SLC26A5: variants seen among roughly 807,000 people sequenced by gnomAD.
SLC26A5 encodes solute carrier family 26 member 5, also known as prestin.
SLC26A5 carries 51 observed loss-of-function variants against 81.0 expected under a neutral mutation model. The observed-to-expected ratio is 0.63, with a 90% CI of 0.50 to 0.80. The LOEUF (loss-of-function observed/expected upper bound fraction) is 0.80, where lower values mean the gene tolerates loss of function less well. Among genes scored for constraint, SLC26A5 ranks in the 30% least tolerant of loss-of-function variants. The pLI, the probability that SLC26A5 is intolerant of heterozygous loss-of-function variation, is 0.00. For missense variants in SLC26A5, 771 were observed against 905.8 expected (o/e 0.85, Z 1.91); for synonymous variants, 325 against 332.8 (o/e 0.98, Z 0.25).
intron 14 of SLC26A5, among the ~76,000 whole-genome samples, chr7:103,383,760 G>A (rs531916254): frequency 2.6e-5 from 4 of 152,178 alleles, no homozygotes; most frequent in Admixed American, 2.0e-4. Context: ...CTGTAGCCTT[G>A]AACTCCTAGG....
downstream of SLC26A5, among the ~76,000 whole-genome samples, chr7:103,371,256 A>C (rs956650385): frequency 6.6e-6 from 1 of 152,230 alleles, no homozygotes; most frequent in African/African-American, 2.4e-5. Context: ...ATTCTATTCA[A>C]AACAGTTTAA....
intron 2 of SLC26A5, among the ~76,000 whole-genome samples, chr7:103,426,690 C>A (rs904944360): frequency 1.3e-5 from 2 of 152,130 alleles, no homozygotes; most frequent in African/African-American, 4.8e-5. Flanking sequence ...AAAGGCTGTC[C>A]TTTCGGGGGA....
chr7:103,379,095 AT>A, intron 16 of SLC26A5, 147 bp downstream of exon 16: 1 of 651,190 alleles, frequency 1.5e-6, no homozygotes, highest in East Asian at 2.8e-5. Flanking sequence ...AAAATAGTAT[AT>A]TTTATGTTAT....
At position 103,397,349 on chromosome 7, in the gene SLC26A5, G is replaced by A. The variant is rs113750522; in HGVS notation, c.971+583C>T. ...GAGGTCAGGAAATTGAGACCATCCT[G>A]GCTAACATGGTGAAACCCCGTCTCT... On this transcript the variant is annotated intron_variant, in intron 9 of 19. Transcript: ENST00000306312. Among the ~76,000 whole-genome samples the A allele has an allele frequency of 4.8e-3, 726 of 151,948 alleles. 5 individuals are homozygous for A. Among genetic ancestry groups the A allele is most frequent in the African/African-American group, 0.017 (688 of 41,454 alleles).
In SLC26A5 at chr7:103,421,467, G is replaced by A. The variant is rs1160309347; in HGVS notation, c.48C>T (p.Tyr16=). The change falls in exon 3 of 20, where the codon TAC becomes TAT. Residue 16 remains tyrosine, a synonymous_variant. Coordinates refer to ENST00000306312, the MANE Select transcript of SLC26A5 (RefSeq NM_198999.3). ...GACTAAAGATAGGCCTTTCCACATA[G>A]TACCTCTGGGTTGCTGCAAGGATTT... is the stretch of plus-strand genomic sequence containing the variant. ...ENEILAATQR[Y]YVERPIFSHP... The A allele has an allele frequency of 1.9e-6, 3 of 1,613,908 alleles. No individual in the cohort carries two copies. The highest frequency in any genetic ancestry group is 2.5e-6 in the Non-Finnish European group (3 of 1,179,892).
At chr7:103,403,694 G>A (rs1483464950) in intron 8 of SLC26A5, among the ~76,000 whole-genome samples, 8 of 137,724 alleles carry the variant, frequency 5.8e-5, no homozygotes, top group African/African-American at 2.5e-4. Flanking sequence ...GCAATCCCCT[G>A]CTTTTTTTTT....
chr7:103,362,574 T>A (rs867581034), intron 19 of SLC26A5: 1 of 1,418,672 alleles, frequency 7.0e-7, no homozygotes, highest in Middle Eastern at 1.8e-4. Context: ...AATTAGGGAC[T>A]CTGTCTCTCT....
intron 14 of SLC26A5, among the ~76,000 whole-genome samples, chr7:103,385,231 G>A (rs976145615): frequency 1.3e-5 from 2 of 151,770 alleles, no homozygotes; most frequent in African/African-American, 4.8e-5. Flanking sequence ...GCGTGATCTC[G>A]GCTCACTACA....
rs138432667 is a variant in SLC26A5 at position 103,379,330 on chromosome 7, T to C, written c.1590A>G (p.Lys530=). ...GAAATATTTTTATTCCAGGAATTTC[T>C]TTCACCTGAAGAGTAAAATATTGCT... ...YIDIDAYEEV[K]EIPGIKIFQI... The change falls in exon 16 of 20, where the codon AAA becomes AAG. Residue 530 remains lysine, a synonymous_variant. Transcript: ENST00000306312. The C allele has an allele frequency of 2.4e-4, 383 of 1,593,594 alleles. No individual in the cohort carries two copies. The African/African-American group carries it at 4.8e-3, about 20-fold the overall frequency.
intron 8 of SLC26A5, among the ~76,000 whole-genome samples, chr7:103,398,445 T>C (rs1413805715): frequency 6.6e-6 from 1 of 152,156 alleles, no homozygotes; most frequent in East Asian, 1.9e-4. Flanking sequence ...GGATTTAGAA[T>C]CCTCCTGGTG....
chr7:103,433,133 C>A (rs1472861323), intron 2 of SLC26A5, among the ~76,000 whole-genome samples: 1 of 152,160 alleles, frequency 6.6e-6, no homozygotes, highest in African/African-American at 2.4e-5. Flanking sequence ...TCCAGTGTTT[C>A]AATTCCATGG....
intron 2 of SLC26A5, among the ~76,000 whole-genome samples, chr7:103,439,492 G>A (rs1826707152): frequency 1.3e-5 from 2 of 151,988 alleles, no homozygotes; most frequent in Non-Finnish European, 2.9e-5. Flanking sequence ...TTGTCACTCT[G>A]CTCCAGTCAC....
rs1363217437 is a variant in SLC26A5 at position 103,389,374 on chromosome 7, C to T, written c.1362G>A (p.Gln454=). ...TCCAGAAAAAGGGGAGATCTGAGAA[C>T]TGCATAAACATTCCCTTCAGGTTGA... The part of the protein sequence containing the change: ...VIVNLKGMFM[Q]FSDLPFFWRT... Residue 454 remains glutamine (Q), a synonymous_variant, in exon 13 of 20, where the codon CAG becomes CAA. Transcript: ENST00000306312. 1.2e-6 allele frequency: 2 copies of T among 1,614,144 alleles called. No individual in the cohort carries two copies. The highest frequency in any genetic ancestry group is 4.5e-5 in the East Asian group (2 of 44,876).
chr7:103,416,858 C>CT (rs1824951281), intron 4 of SLC26A5, among the ~76,000 whole-genome samples: 1 of 152,096 alleles, frequency 6.6e-6, no homozygotes, highest in Non-Finnish European at 1.5e-5. Flanking sequence ...CTCTGACATG[C>CT]TTAACACAAA....
intron 19 of SLC26A5, 141 bp downstream of exon 19, chr7:103,376,667 G>C: frequency 1.5e-6 from 1 of 661,242 alleles, no homozygotes; most frequent in Non-Finnish European, 2.5e-6. Context: ...TTTCAAAGCT[G>C]GCTTTAGAGT....
chr7:103,363,280 T>C lies in SLC26A5; in HGVS notation c.2042-10354A>G, dbSNP rs886657834. ...CTTTTAAGGTATTAGGTCTATTCTATTGAATTTGGACAGTATCCAAAAAGC... is the reference window on the plus strand; with the variant it reads ...CTTTTAAGGTATTAGGTCTATTCTACTGAATTTGGACAGTATCCAAAAAGC... On this transcript the variant is annotated intron_variant, in intron 19 of 19. Transcript: ENST00000339444. 1.2e-4 allele frequency: 164 copies of C among 1,324,874 alleles called. 1 individual carries two copies. Among genetic ancestry groups the C allele is most frequent in the Middle Eastern group, 1.8e-4 (1 of 5,458 alleles). The allele number at this position is 1,324,874 out of a possible 1,614,324, so 82.1% of individuals were successfully genotyped here. A position where few individuals can be genotyped will look rare whatever the true frequency, so the allele number is the denominator to read the frequency against.
intron 2 of SLC26A5, among the ~76,000 whole-genome samples, chr7:103,426,206 G>T (rs1421415788): frequency 1.3e-5 from 2 of 152,144 alleles, no homozygotes; most frequent in African/African-American, 4.8e-5. Flanking sequence ...GGTGGGCAGT[G>T]CAACATCCAC....
At chr7:103,362,877 T>C in intron 19 of SLC26A5, 2 of 735,454 alleles carry the variant, frequency 2.7e-6, no homozygotes, top group South Asian at 1.8e-5. Flanking sequence ...CACTGCAACC[T>C]CTGCCTCCCG....
intron 19 of SLC26A5, among the ~76,000 whole-genome samples, chr7:103,376,233 G>A (rs576858610): frequency 6.6e-6 from 1 of 151,940 alleles, no homozygotes; most frequent in African/African-American, 2.4e-5. Flanking sequence ...GCGCCACCAT[G>A]TCTGGCTAAT....
Sources: allele counts gnomAD v4.1 joint callset (sites outside exome capture counted in the v4.1 genomes callset), GRCh38; gene constraint gnomAD v4.1.1; transcripts MANE v1.5; gene names NCBI Gene and HGNC (gene_info 2026-07-23, HGNC 2026-07-21).